Variants in PIK3R4 observed in about 807,000 individuals in gnomAD.
The protein encoded by PIK3R4 is phosphoinositide-3-kinase regulatory subunit 4, also known as phosphoinositide 3-kinase regulatory subunit 4.
A neutral mutation model predicts 136.5 loss-of-function variants in PIK3R4; 46 were observed. That is an observed-to-expected ratio of 0.34 (90% CI 0.27 to 0.43). The LOEUF is 0.43. Among genes scored for constraint, PIK3R4 ranks in the 20% least tolerant of loss-of-function variants. PIK3R4 has a pLI of 1.00. For synonymous variants in PIK3R4, 557 were observed against 566.7 expected, an observed-to-expected ratio of 0.98 and a Z score of 0.24; for missense variants, 1,331 against 1,649.5, an observed-to-expected ratio of 0.81 and a Z score of 3.35.
At chr3:130,700,235 C>G (rs1170949823) in intron 13 of PIK3R4, among the ~76,000 whole-genome samples, 1 of 152,170 alleles carries the variant, frequency 6.6e-6, no homozygotes, top group Non-Finnish European at 1.5e-5. Context: ...CGCTGACTTT[C>G]AACACTACCA....
chr3:130,695,587 TC>T (rs2066541472), intron 13 of PIK3R4, among the ~76,000 whole-genome samples: 2 of 152,126 alleles, frequency 1.3e-5, no homozygotes, highest in Admixed American at 1.3e-4. Flanking sequence ...TTAGTAGCTG[TC>T]CCAGTTATGA....
chr3:130,723,709 G>T, intron 6 of PIK3R4, 122 bp from the exon 7 acceptor site: 1 of 737,090 alleles, frequency 1.4e-6, no homozygotes, highest in African/African-American at 1.8e-5. Context: ...AAAGAACATT[G>T]CACTTCCTAC....
At chr3:130,691,775 A>G (rs2066520182) in intron 13 of PIK3R4, among the ~76,000 whole-genome samples, 1 of 152,078 alleles carries the variant, frequency 6.6e-6, no homozygotes, top group Non-Finnish European at 1.5e-5. Context: ...ATATCCTTCA[A>G]AAGGTTTTCT....
At chr3:130,739,235 C>T (rs2066805744) in intron 2 of PIK3R4, among the ~76,000 whole-genome samples, 1 of 152,192 alleles carries the variant, frequency 6.6e-6, no homozygotes, top group Non-Finnish European at 1.5e-5. Context: ...TGCCACCGCG[C>T]CCAGCTAATT....
At chr3:130,705,496 C>T in intron 12 of PIK3R4, 65 bp downstream of exon 12, 6 of 1,014,158 alleles carry the variant, frequency 5.9e-6, no homozygotes, top group East Asian at 2.5e-5. Flanking sequence ...TATTCATTTC[C>T]TCTATTAGAT....
At chr3:130,725,928 C>T (rs2066728678) in intron 6 of PIK3R4, 1 of 152,036 alleles carries the variant, frequency 6.6e-6, no homozygotes, top group Non-Finnish European at 1.5e-5. Context: ...TAAGTAAAGC[C>T]TATTTCACAC....
At chr3:130,696,520 A>G (rs1169226830) in intron 13 of PIK3R4, among the ~76,000 whole-genome samples, 1 of 152,178 alleles carries the variant, frequency 6.6e-6, no homozygotes, top group Non-Finnish European at 1.5e-5. Flanking sequence ...GTATTTAGCC[A>G]TATGTTGTTT....
intron 14 of PIK3R4, among the ~76,000 whole-genome samples, chr3:130,690,186 T>C (rs1200933938): frequency 6.6e-6 from 1 of 152,206 alleles, no homozygotes; most frequent in East Asian, 1.9e-4. Flanking sequence ...TTTTAGGTTA[T>C]TCAGACAAAT....
At chr3:130,690,746 T>A in intron 13 of PIK3R4, 92 bp from the exon 14 acceptor site, 1 of 709,026 alleles carries the variant, frequency 1.4e-6, no homozygotes, top group Non-Finnish European at 2.3e-6. Context: ...AATTATTACT[T>A]TGGGGTCCAT....
chr3:130,682,543 G>A (rs1294110597), intron 16 of PIK3R4, among the ~76,000 whole-genome samples: 2 of 152,102 alleles, frequency 1.3e-5, no homozygotes, highest in African/African-American at 4.8e-5. Flanking sequence ...AGATCAAAGG[G>A]AGGGAGGGAA....
intron 13 of PIK3R4, among the ~76,000 whole-genome samples, chr3:130,695,933 G>GT (rs1022474241): frequency 6.6e-6 from 1 of 152,012 alleles, no homozygotes; most frequent in African/African-American, 2.4e-5. Flanking sequence ...TTTGTGGGAG[G>GT]TTTTTTGATT....
chr3:130,691,205 C>T (rs2107602203), intron 13 of PIK3R4, among the ~76,000 whole-genome samples: 1 of 152,132 alleles, frequency 6.6e-6, no homozygotes, highest in Admixed American at 6.5e-5. Flanking sequence ...ACTCTTATAC[C>T]CTTCAGTTAT....
chr3:130,699,920 A>G (rs568088210), intron 13 of PIK3R4, among the ~76,000 whole-genome samples: 1 of 152,278 alleles, frequency 6.6e-6, no homozygotes, highest in South Asian at 2.1e-4. Flanking sequence ...TGTGATACAT[A>G]TATTGTAAAA....
chr3:130,734,836 A>G (rs1576463512), intron 3 of PIK3R4, among the ~76,000 whole-genome samples: 1 of 152,242 alleles, frequency 6.6e-6, no homozygotes, highest in African/African-American at 2.4e-5. Context: ...TTATTGAAAT[A>G]CAATATCACA....
At chr3:130,706,919 G>A (rs1387391553) in intron 11 of PIK3R4, 29 bp downstream of exon 11, 2 of 1,558,206 alleles carry the variant, frequency 1.3e-6, no homozygotes, top group Non-Finnish European at 1.7e-6. Flanking sequence ...AAAGACATTA[G>A]GAGGACTACT....
chr3:130,717,165 T>C (rs1269894987), intron 8 of PIK3R4, among the ~76,000 whole-genome samples: 1 of 150,642 alleles, frequency 6.6e-6, no homozygotes, highest in African/African-American at 2.4e-5. Flanking sequence ...TTTTTTTTCT[T>C]TTTTTTTTTC....
intron 6 of PIK3R4, among the ~76,000 whole-genome samples, chr3:130,727,125 A>G (rs1021554177): frequency 6.6e-6 from 1 of 152,252 alleles, no homozygotes; most frequent in African/African-American, 2.4e-5. Flanking sequence ...CAGAAATATC[A>G]ATCCTGTTGC....
intron 4 of PIK3R4, among the ~76,000 whole-genome samples, chr3:130,731,485 C>A (rs2066759947): frequency 6.6e-6 from 1 of 152,114 alleles, no homozygotes; most frequent in Non-Finnish European, 1.5e-5. Context: ...GATGTAAATA[C>A]CCTATAACGC....
Position 130,745,132 on chromosome 3 carries a change from AT to A in PIK3R4, c.86del (p.Asp29ValfsTer24). 1 of 1,613,736 alleles carries A rather than the reference AT, an allele frequency of 6.2e-7. No homozygotes were observed. The highest frequency in any genetic ancestry group is 8.5e-7 in the Non-Finnish European group (1 of 1,179,994). On this transcript the variant is annotated frameshift_variant, in exon 2 of 20. Coordinates refer to ENST00000356763, the MANE Select transcript of PIK3R4 (RefSeq NM_014602.3). LOFTEE classifies it high-confidence loss of function. ...YFSDIHDFEYDKSLGSTRFFK... is the reference protein window; with the variant it reads ...YFSDIHDFEYXKSLGSTRFFK... ...AAAACCGAGTACTCCCCAGGCTTTT[AT>A]CATATTCAAAGTCATGAATATCTGA...
Sources: gnomAD v4.1 joint callset for allele counts (sites outside exome capture counted in the v4.1 genomes callset) on GRCh38, gnomAD v4.1.1 for gene constraint, MANE v1.5 for transcripts, NCBI Gene and HGNC (gene_info 2026-07-23, HGNC 2026-07-21) for gene names.